Variants in TRPM1 observed in about 807,000 individuals in gnomAD.
The protein encoded by TRPM1 is transient receptor potential cation channel subfamily M member 1.
In TRPM1, 113 loss-of-function variants were observed where a neutral mutation model predicts 149.4. The observed-to-expected ratio is 0.76, with a 90% CI of 0.65 to 0.88. The LOEUF is 0.88. Among genes scored for constraint, TRPM1 ranks in the 40% least tolerant of loss-of-function variants. The probability of loss-of-function intolerance (pLI) is 0.00; values close to 1 mark genes in which losing one functional copy is unlikely to be tolerated. For synonymous variants in TRPM1, 741 were observed against 759.5 expected, an observed-to-expected ratio of 0.98 and a Z score of 0.40; for missense variants, 1,976 against 2,038.7, an observed-to-expected ratio of 0.97 and a Z score of 0.59.
At chr15:31,077,368 G>A (rs1198492131) in intron 2 of TRPM1, among the ~76,000 whole-genome samples, 2 of 152,198 alleles carry the variant, frequency 1.3e-5, no homozygotes, top group Non-Finnish European at 2.9e-5. Flanking sequence ...GGAGGTGGGA[G>A]GGAAATCCCC....
At chr15:31,134,926 C>G (rs1382486223) in intron 1 of TRPM1, among the ~76,000 whole-genome samples, 1 of 152,098 alleles carries the variant, frequency 6.6e-6, no homozygotes, top group Non-Finnish European at 1.5e-5. Flanking sequence ...TCACTTGAAT[C>G]TGGGAGGCAG....
At position 31,050,556 on chromosome 15, in the gene TRPM1, C is replaced by T. The variant is rs372739363; in HGVS notation, c.1290G>A (p.Thr430=). The T allele has an allele frequency of 3.3e-5, 54 of 1,614,028 alleles. 1 individual carries two copies. Among genetic ancestry groups the T allele is most frequent in the South Asian group, 2.7e-4 (25 of 91,074 alleles). The part of the protein sequence containing the change: ...WPPLGSLAPP[T]DSKATEKEKK... ...TCTCCTTCTCCGTGGCTTTGCTGTC[C>T]GTCGGGGGTGCCAGGCTTCCCAGGG... Residue 430 remains threonine (T), a synonymous_variant, in exon 12 of 28, where the codon ACG becomes ACA. Transcript: ENST00000256552.
At chr15:31,052,818 C>G (rs1478425983) in intron 11 of TRPM1, among the ~76,000 whole-genome samples, 1 of 152,090 alleles carries the variant, frequency 6.6e-6, no homozygotes, top group African/African-American at 2.4e-5. Flanking sequence ...TAGAAGAAAA[C>G]ATAGGGCAAA....
chr15:31,047,358 A>C, intron 14 of TRPM1, 107 bp from the exon 15 acceptor site: 2 of 1,246,514 alleles, frequency 1.6e-6, no homozygotes, highest in Non-Finnish European at 2.3e-6. Flanking sequence ...TTGGGAGTTC[A>C]TGTAACAGGT....
At chr15:31,105,470 T>TGCGC (rs1280103270), upstream of TRPM1, among the ~76,000 whole-genome samples, 1 of 117,920 alleles carries the variant, frequency 8.5e-6, no homozygotes, top group African/African-American at 4.3e-5. Flanking sequence ...TGTGTGTGTG[T>TGCGC]GTGCGCGCGC....
chr15:31,072,826 GAT>G (rs955014391), intron 3 of TRPM1, among the ~76,000 whole-genome samples: 2 of 152,028 alleles, frequency 1.3e-5, no homozygotes, highest in African/African-American at 4.8e-5. Flanking sequence ...TCTTTGGAAA[GAT>G]GTCTATTCAT....
At chr15:31,060,134 G>C (rs28375935) in intron 11 of TRPM1, 156 of 326,202 alleles carry the variant, frequency 4.8e-4, no homozygotes, top group East Asian at 2.9e-3. Flanking sequence ...CACACACATA[G>C]ACACACACAC....
At chr15:31,086,455 A>G (rs988092487) in intron 1 of TRPM1, among the ~76,000 whole-genome samples, 2 of 152,246 alleles carry the variant, frequency 1.3e-5, no homozygotes, top group African/African-American at 4.8e-5. Flanking sequence ...GCCCCATCGC[A>G]GAGGGGACCC....
chr15:31,123,992 G>T (rs999966417), intron 1 of TRPM1, among the ~76,000 whole-genome samples: 2 of 152,180 alleles, frequency 1.3e-5, no homozygotes, highest in African/African-American at 4.8e-5. Flanking sequence ...GCATTATTCA[G>T]TGCTAAAAAG....
chr15:31,038,003 A>C (rs757501121), intron 19 of TRPM1, 41 bp downstream of exon 19: 35 of 1,613,756 alleles, frequency 2.2e-5, no homozygotes, highest in Non-Finnish European at 3.0e-5. Flanking sequence ...TTTTGAAAAC[A>C]AGATTACACT....
intron 27 of TRPM1, among the ~76,000 whole-genome samples, chr15:31,006,783 GTTATTT>G (rs1013613768): frequency 6.6e-6 from 1 of 152,102 alleles, no homozygotes; most frequent in Non-Finnish European, 1.5e-5. Context: ...CTTGGCTATT[GTTATTT>G]TTAATTTTTT....
chr15:31,005,329 G>C (rs1184769151), intron 27 of TRPM1, among the ~76,000 whole-genome samples: 1 of 152,036 alleles, frequency 6.6e-6, no homozygotes, highest in Admixed American at 6.6e-5. Flanking sequence ...ATCTTTTATA[G>C]TTTTACCTAT....
At chr15:31,125,448 C>A (rs559825128) in intron 1 of TRPM1, among the ~76,000 whole-genome samples, 2 of 151,906 alleles carry the variant, frequency 1.3e-5, no homozygotes, top group Non-Finnish European at 2.9e-5. Flanking sequence ...AGAATACATG[C>A]GGCCGGGCGC....
chr15:31,042,454 A>G (rs982628287), intron 16 of TRPM1, among the ~76,000 whole-genome samples: 2 of 152,224 alleles, frequency 1.3e-5, no homozygotes, highest in Non-Finnish European at 2.9e-5. Context: ...ATGAACTGAG[A>G]AGGCATACTG....
intron 1 of TRPM1, among the ~76,000 whole-genome samples, chr15:31,138,573 C>G (rs1166166948): frequency 6.6e-6 from 1 of 152,032 alleles, no homozygotes; most frequent in Non-Finnish European, 1.5e-5. Context: ...GTTGAAAAGA[C>G]CAGGCTGAGT....
intron 7 of TRPM1, chr15:31,065,031 G>A: frequency 1.9e-6 from 1 of 534,508 alleles, no homozygotes; most frequent in Non-Finnish European, 3.8e-6. Context: ...AGTCCTCGAA[G>A]CTCCGTGCTG....
In TRPM1 at chr15:31,002,689, G is replaced by A; in HGVS notation, c.4011C>T (p.His1337=). The A allele has an allele frequency of 6.2e-7, 1 of 1,614,164 alleles. No individual in the cohort carries two copies. Among genetic ancestry groups the A allele is most frequent in the Non-Finnish European group, 8.5e-7 (1 of 1,180,036 alleles). Residue 1337 remains histidine (H), a synonymous_variant, in exon 28 of 28, where the codon CAC becomes CAT. Transcript: ENST00000256552. ...GACTGTTCTGACATTCTGGGACTAG[G>A]TGCGTTTTCACGTCCTTCTCTTCCT... The part of the protein sequence containing the change: ...RIKEEKDVKT[H]LVPECQNSLH...
At chr15:31,076,375 C>T (rs570411984) in intron 3 of TRPM1, among the ~76,000 whole-genome samples, 1 of 152,274 alleles carries the variant, frequency 6.6e-6, no homozygotes, top group South Asian at 2.1e-4. Context: ...AGAGATGAGA[C>T]ATTTTAGTTA....
At chr15:31,038,991 C>CCT (rs1567011161) in intron 18 of TRPM1, among the ~76,000 whole-genome samples, 4 of 131,482 alleles carry the variant, frequency 3.0e-5, no homozygotes, top group African/African-American at 8.3e-5. Context: ...CATGCTTCCC[C>CCT]TTTTTTTTTT....
Sources: gnomAD v4.1 joint callset for allele counts (sites outside exome capture counted in the v4.1 genomes callset) on GRCh38, gnomAD v4.1.1 for gene constraint, MANE v1.5 for transcripts, NCBI Gene and HGNC (gene_info 2026-07-23, HGNC 2026-07-21) for gene names.